STOX2: variants seen among roughly 807,000 people sequenced by gnomAD.
The protein encoded by STOX2 is storkhead box 2.
Under a neutral mutation model 60.9 loss-of-function variants are expected in STOX2, and 28 were observed. That is an observed-to-expected ratio of 0.46 (90% CI 0.34 to 0.63). STOX2 has a LOEUF of 0.63. Among genes scored for constraint, STOX2 ranks in the 30% least tolerant of loss-of-function variants. The probability of loss-of-function intolerance (pLI) is 0.01; values close to 1 mark genes in which losing one functional copy is unlikely to be tolerated. For synonymous variants in STOX2, 472 were observed against 463.9 expected, an observed-to-expected ratio of 1.02 and a Z score of -0.22; for missense variants, 1,024 against 1,187.7, an observed-to-expected ratio of 0.86 and a Z score of 2.03.
chr4:183,897,738 G>T (rs1741369440), intron 1 of STOX2, among the ~76,000 whole-genome samples: 1 of 152,272 alleles, frequency 6.6e-6, no homozygotes, highest in Non-Finnish European at 1.5e-5. Context: ...CAGATCCTGA[G>T]GTTCATTTCA....
chr4:183,809,854 T>A (rs11941967), intron 1 of STOX2, among the ~76,000 whole-genome samples: 43,881 of 152,158 alleles, frequency 0.29, 7,701 homozygotes, highest in African/African-American at 0.5. Context: ...ATTTTGCATT[T>A]GCTATTTTTG....
intron 1 of STOX2, among the ~76,000 whole-genome samples, chr4:183,828,810 T>C (rs1162507961): frequency 6.6e-6 from 1 of 152,224 alleles, no homozygotes; most frequent in Non-Finnish European, 1.5e-5. Flanking sequence ...AAGTGGAGTA[T>C]TGTGATGTAC....
chr4:183,916,733 A>G (rs1741941114), intron 1 of STOX2, among the ~76,000 whole-genome samples: 1 of 152,218 alleles, frequency 6.6e-6, no homozygotes, highest in Non-Finnish European at 1.5e-5. Context: ...CAAAGTATTG[A>G]TATAAAGAGT....
intron 1 of STOX2, among the ~76,000 whole-genome samples, chr4:183,978,531 G>A (rs759192321): frequency 5.9e-5 from 9 of 152,126 alleles, no homozygotes; most frequent in Non-Finnish European, 1.2e-4. Context: ...GAAGTCAGGT[G>A]ATGTGATGCC....
intron 1 of STOX2, among the ~76,000 whole-genome samples, chr4:183,961,483 T>C (rs994578960): frequency 6.6e-6 from 1 of 152,184 alleles, no homozygotes; most frequent in South Asian, 2.1e-4. Flanking sequence ...CTACCTCCGT[T>C]CACCAAATAC....
At chr4:183,820,505 G>A (rs1231822312) in intron 1 of STOX2, among the ~76,000 whole-genome samples, 3 of 152,120 alleles carry the variant, frequency 2.0e-5, no homozygotes, top group Non-Finnish European at 4.4e-5. Flanking sequence ...TCAGACAAGT[G>A]GCTCTCCTAT....
intron 1 of STOX2, among the ~76,000 whole-genome samples, chr4:183,859,179 A>C (rs892837): frequency 0.37 from 56,120 of 152,068 alleles, 10,733 homozygotes; most frequent in East Asian, 0.59. Flanking sequence ...TGCCTTGCTC[A>C]TCGCTGTGCC....
intron 1 of STOX2, among the ~76,000 whole-genome samples, chr4:183,936,138 G>C (rs1742583415): frequency 6.6e-6 from 1 of 152,190 alleles, no homozygotes; most frequent in Admixed American, 6.5e-5. Context: ...AACTTCCTGA[G>C]AGTAACTAAC....
At chr4:183,953,829 G>C (rs1417798295) in intron 1 of STOX2, among the ~76,000 whole-genome samples, 1 of 152,128 alleles carries the variant, frequency 6.6e-6, no homozygotes, top group Non-Finnish European at 1.5e-5. Flanking sequence ...GCCTCCCAAA[G>C]TGCTGGGATT....
chr4:183,906,780 C>T lies in STOX2; in HGVS notation c.-11C>T. 6.6e-7 allele frequency: 1 copy of T among 1,518,192 alleles called. No homozygotes were observed. Among genetic ancestry groups the T allele is most frequent in the South Asian group, 1.2e-5 (1 of 80,664 alleles). The allele number at this position is 1,518,192 out of a possible 1,614,324, so 94.0% of individuals were successfully genotyped here. Reference sequence around the variant, plus strand: ...CCCCGAGGATCGGGGCGGCAGGTCGCCCTCCCCACCATGAAGAAGACCCGG... The same window carrying T: ...CCCCGAGGATCGGGGCGGCAGGTCGTCCTCCCCACCATGAAGAAGACCCGG... On this transcript the variant is annotated 5_prime_UTR_variant, in exon 1 of 4. Transcript: ENST00000308497.
rs561349033 is a variant in STOX2, at chr4:184,017,421, G to A, written c.*137G>A. The stretch of plus-strand genomic sequence containing the variant: ...TTACTTAAACTGTGCTGCTAAGTAG[G>A]GCTAGGGCAAAAAAACAAAAAATCT... On this transcript the variant is annotated 3_prime_UTR_variant, in exon 4 of 4. Coordinates refer to ENST00000308497, the MANE Select transcript of STOX2 (RefSeq NM_020225.3). 13 of 905,188 alleles carry A rather than the reference G, an allele frequency of 1.4e-5. No homozygotes were observed. In the South Asian group the frequency reaches 2.6e-4, roughly 18 times the overall value. The allele number at this position is 905,188 out of a possible 1,614,324, so 56.1% of individuals were successfully genotyped here. A position where few individuals can be genotyped will look rare whatever the true frequency, so the allele number is the denominator to read the frequency against.
At chr4:183,934,197 G>C (rs909854517) in intron 1 of STOX2, among the ~76,000 whole-genome samples, 3 of 152,120 alleles carry the variant, frequency 2.0e-5, no homozygotes, top group African/African-American at 7.2e-5. Context: ...CAGCTACCTG[G>C]GAGGCTGAGT....
intron 1 of STOX2, among the ~76,000 whole-genome samples, chr4:183,874,838 A>G (rs1180638502): frequency 6.9e-6 from 1 of 144,570 alleles, no homozygotes; most frequent in Admixed American, 7.0e-5. Context: ...AGGCAGGAGA[A>G]TGGCGTGAAC....
At position 184,020,048 on chromosome 4, in the gene STOX2, A is replaced by G. The variant is rs1455618115; in HGVS notation, c.*2764A>G. The G allele has an allele frequency of 1.1e-5, 1 of 91,152 alleles. No individual in the cohort carries two copies. The highest frequency in any genetic ancestry group is 2.8e-5 in the Non-Finnish European group (1 of 36,286). The allele number at this position is 91,152 out of a possible 1,614,324, so 5.6% of individuals were successfully genotyped here. A position where few individuals can be genotyped will look rare whatever the true frequency, so the allele number is the denominator to read the frequency against. ...CTGTCGGCATTTTGCACACTTATGT[A>G]TTATTATGATACAACATATTACTTT... On this transcript the variant is annotated 3_prime_UTR_variant, in exon 4 of 4. Coordinates refer to ENST00000308497, the MANE Select transcript of STOX2 (RefSeq NM_020225.3).
At chr4:183,850,910 ATG>A (rs1740106273) in intron 1 of STOX2, among the ~76,000 whole-genome samples, 1 of 147,114 alleles carries the variant, frequency 6.8e-6, no homozygotes, top group East Asian at 2.0e-4. Flanking sequence ...GAGGGAAAGG[ATG>A]AGGGAAAGGA....
chr4:183,920,504 G>A (rs948011769), intron 1 of STOX2, among the ~76,000 whole-genome samples: 2 of 152,212 alleles, frequency 1.3e-5, no homozygotes, highest in Non-Finnish European at 2.9e-5. Context: ...AGCCTGTGCT[G>A]TAATGAGAGA....
intron 1 of STOX2, among the ~76,000 whole-genome samples, chr4:183,859,513 G>C (rs1196283222): frequency 6.6e-6 from 1 of 152,212 alleles, no homozygotes; most frequent in African/African-American, 2.4e-5. Flanking sequence ...GGCAGCCTGG[G>C]AAGGGCAGGG....
chr4:184,007,831 A>G (rs998469360), intron 2 of STOX2, among the ~76,000 whole-genome samples: 2 of 152,160 alleles, frequency 1.3e-5, no homozygotes, highest in Admixed American at 1.3e-4. Context: ...CCTTTTCAGA[A>G]GGACATCAGT....
intron 1 of STOX2, among the ~76,000 whole-genome samples, chr4:183,860,912 A>G (rs1287121138): frequency 6.6e-6 from 1 of 152,222 alleles, no homozygotes; most frequent in Non-Finnish European, 1.5e-5. Context: ...CCTGCCAAGC[A>G]TCTTCCTGTA....
Sources: gnomAD v4.1 joint callset for allele counts (sites outside exome capture counted in the v4.1 genomes callset) on GRCh38, gnomAD v4.1.1 for gene constraint, MANE v1.5 for transcripts, NCBI Gene and HGNC (gene_info 2026-07-23, HGNC 2026-07-21) for gene names.